The following APC variants were observed in gnomAD, a reference collection of about 807,000 sequenced individuals.
APC encodes the protein APC regulator of Wnt signaling pathway.
APC carries 72 observed loss-of-function variants against 247.0 expected under a neutral mutation model. The ratio of observed to expected loss-of-function variants is 0.29; its 90% CI spans 0.24 to 0.35. APC has a LOEUF of 0.35. Ranked by LOEUF, APC falls within the 10% of genes least tolerant of loss-of-function variation. The probability of loss-of-function intolerance (pLI) is 1.00; values close to 1 mark genes in which losing one functional copy is unlikely to be tolerated. For missense variants in APC, 3,400 were observed against 3,360.7 expected (o/e 1.01, Z -0.29); for synonymous variants, 1,254 against 1,162.5 (o/e 1.08, Z -1.60).
chr5:112,740,950 T>C (rs1030619466), intron 1 of APC, among the ~76,000 whole-genome samples: 4 of 152,244 alleles, frequency 2.6e-5, no homozygotes, highest in African/African-American at 7.2e-5. Flanking sequence ...TTTATACTTG[T>C]ATATGTTTAA....
intron 8 of APC, among the ~76,000 whole-genome samples, chr5:112,804,994 T>G: frequency 6.6e-6 from 1 of 152,014 alleles, no homozygotes; most frequent in South Asian, 2.1e-4. Context: ...AATTTTTATT[T>G]TTTGTCTAAA....
chr5:112,764,774 A>T (rs185029553), intron 2 of APC, among the ~76,000 whole-genome samples: 90 of 152,342 alleles, frequency 5.9e-4, no homozygotes, highest in African/African-American at 2.0e-3. Flanking sequence ...GGACTAAAAC[A>T]GTAGCAATGG....
At chr5:112,833,628 G>C (rs1170438132) in intron 14 of APC, among the ~76,000 whole-genome samples, 1 of 152,036 alleles carries the variant, frequency 6.6e-6, no homozygotes, top group Non-Finnish European at 1.5e-5. Context: ...CCAGCACATG[G>C]CAAGTTTTGA....
chr5:112,717,361 GT>G (rs1228082523), intron 1 of APC, among the ~76,000 whole-genome samples: 17 of 151,854 alleles, frequency 1.1e-4, no homozygotes, highest in African/African-American at 4.1e-4. Context: ...TATTGTTGTT[GT>G]TACTGTTTCA....
chr5:112,827,665 T>G (rs551283053), intron 12 of APC, among the ~76,000 whole-genome samples: 6 of 152,348 alleles, frequency 3.9e-5, no homozygotes, highest in African/African-American at 1.2e-4. Context: ...AATAAGAGGC[T>G]TTACTCTAAA....
At chr5:112,808,778 A>G (rs1724567516) in intron 8 of APC, among the ~76,000 whole-genome samples, 1 of 152,120 alleles carries the variant, frequency 6.6e-6, no homozygotes, top group African/African-American at 2.4e-5. Flanking sequence ...GATATACTTC[A>G]ACATGTTTCT....
In APC at chr5:112,835,575, T is replaced by A. The variant is rs914451120; in HGVS notation, c.1958+410T>A. Among the ~76,000 whole-genome samples the A allele has an allele frequency of 1.2e-3, 175 of 147,746 alleles. 3 individuals carry two copies. Among genetic ancestry groups the A allele is most frequent in the African/African-American group, 4.1e-3 (165 of 40,678 alleles). Reference sequence around the variant, plus strand: ...TGTCTTAGTATCCATAATAATAATTTTTTTTTTTTTTTTTTGAGACAGGGT... The same window carrying A: ...TGTCTTAGTATCCATAATAATAATTATTTTTTTTTTTTTTTGAGACAGGGT... On this transcript the variant is annotated intron_variant, in intron 15 of 15. Coordinates refer to ENST00000257430, the MANE Select transcript of APC (RefSeq NM_000038.6).
At chr5:112,723,640 C>T (rs566530908) in intron 1 of APC, among the ~76,000 whole-genome samples, 1 of 151,942 alleles carries the variant, frequency 6.6e-6, no homozygotes, top group Non-Finnish European at 1.5e-5. Flanking sequence ...ATGTGTTGAC[C>T]GGAATGATGA....
intron 4 of APC, among the ~76,000 whole-genome samples, chr5:112,769,330 C>T (rs1446746165): frequency 6.6e-6 from 1 of 152,010 alleles, no homozygotes; most frequent in African/African-American, 2.4e-5. Context: ...GGATTACAGG[C>T]ATGAGCCACT....
chr5:112,793,505 A>G lies in APC; in HGVS notation c.729+976A>G, dbSNP rs545465617. On this transcript the variant is annotated intron_variant, in intron 7 of 15. Transcript: ENST00000257430. Reference sequence around the variant, plus strand: ...AAAACTTAAAGAGACTTACATGGAAAAATTCACCCAACAAAACAACCCACC... The same window carrying G: ...AAAACTTAAAGAGACTTACATGGAAGAATTCACCCAACAAAACAACCCACC... 5.3e-5 allele frequency among the ~76,000 whole-genome samples: 8 copies of G among 152,308 alleles called. No homozygotes were observed. In the South Asian group the frequency reaches 1.5e-3, roughly 28 times the overall value.
chr5:112,743,060 C>T (rs1322389164), intron 1 of APC, among the ~76,000 whole-genome samples: 1 of 152,218 alleles, frequency 6.6e-6, no homozygotes, highest in Admixed American at 6.5e-5. Context: ...TCTGCGTCTC[C>T]TCTAGAGATT....
intron 8 of APC, among the ~76,000 whole-genome samples, chr5:112,805,008 TAAAA>T (rs574688971): frequency 6.3e-5 from 9 of 142,166 alleles, no homozygotes; most frequent in African/African-American, 7.7e-5. Flanking sequence ...GTCTAAAAAA[TAAAA>T]AAAAAAACTT....
Position 112,843,561 on chromosome 5 carries a change from A to G in APC, c.7967A>G (p.Asp2656Gly), listed in dbSNP as rs1463203731. The G allele has an allele frequency of 1.9e-6, 3 of 1,613,930 alleles. No individual in the cohort carries two copies. The highest frequency in any genetic ancestry group is 2.5e-6 in the Non-Finnish European group (3 of 1,179,850). Residue 2656 changes from aspartate (D) to glycine (G), a missense_variant, in exon 16 of 16, where the codon GAT becomes GGT. By Grantham distance (94) the Asp-to-Gly change is moderately conservative. Around this residue, in one of 9 missense-constraint regions of APC, gnomAD observed 1,788 missense variants for 1,649.5 expected, o/e 1.08. Transcript: ENST00000257430. The surrounding 1 kb of genome is among the most constrained non-coding windows in gnomAD (Gnocchi z 4.8). Reference protein sequence around the residue: ...QMAPAVSKTEDVWVRIEDCPI... With the variant: ...QMAPAVSKTEGVWVRIEDCPI... The stretch of plus-strand genomic sequence containing the variant: ...GCACCTGCTGTTTCTAAAACAGAGG[A>G]TGTTTGGGTGAGAATTGAGGACTGT...
rs144199321 is a variant in APC, at chr5:112,829,239, A to G, written c.1743+267A>G. ...CTGCAACCTCCGTCTCCCATGTTCAAGTGATTCTCCTGCCTCAGCCTCCTG... is the reference window on the plus strand; with the variant it reads ...CTGCAACCTCCGTCTCCCATGTTCAGGTGATTCTCCTGCCTCAGCCTCCTG... On this transcript the variant is annotated intron_variant, in intron 14 of 15. Transcript: ENST00000257430. 3.6e-3 allele frequency: 1,216 copies of G among 334,644 alleles called. 14 individuals carry two copies. Among genetic ancestry groups the G allele is most frequent in the African/African-American group, 0.024 (1,132 of 46,592 alleles). 20.7% of individuals were successfully genotyped at this position (334,644 alleles called of 1,614,324 possible). A position where few individuals can be genotyped will look rare whatever the true frequency, so the allele number is the denominator to read the frequency against.
intron 14 of APC, among the ~76,000 whole-genome samples, chr5:112,834,238 C>CTTTTT (rs963878310): frequency 7.9e-6 from 1 of 126,594 alleles, no homozygotes; most frequent in East Asian, 2.4e-4. Flanking sequence ...CACGTTGCGC[C>CTTTTT]TTTTTTTTTT....
intron 11 of APC, among the ~76,000 whole-genome samples, chr5:112,824,080 T>A (rs1763407516): frequency 6.6e-6 from 1 of 152,264 alleles, no homozygotes; most frequent in South Asian, 2.1e-4. Context: ...TCAGTCTTTC[T>A]TTTGTTCATA....
upstream of APC, among the ~76,000 whole-genome samples, chr5:112,734,077 C>G (rs1349925316): frequency 6.6e-6 from 1 of 152,190 alleles, no homozygotes; most frequent in Non-Finnish European, 1.5e-5. Context: ...TCTGTAATCA[C>G]AGCACCTTGC....
intron 4 of APC, among the ~76,000 whole-genome samples, chr5:112,772,571 C>T (rs548653477): frequency 2.0e-5 from 3 of 149,994 alleles, no homozygotes; most frequent in African/African-American, 7.4e-5. Context: ...GGCTGGAGTG[C>T]AGTGGCACGA....
intron 6 of APC, among the ~76,000 whole-genome samples, chr5:112,782,525 G>C (rs1213933929): frequency 6.6e-6 from 1 of 152,128 alleles, no homozygotes; most frequent in East Asian, 1.9e-4. Context: ...AATGAGGTTG[G>C]GGGCTTAACT....
Sources: allele counts gnomAD v4.1 joint callset (sites outside exome capture counted in the v4.1 genomes callset), GRCh38; gene constraint gnomAD v4.1.1; regional missense constraint gnomAD v4.1.1; non-coding constraint Gnocchi (gnomAD v3.1); transcripts MANE v1.5; gene names NCBI Gene and HGNC (gene_info 2026-07-23, HGNC 2026-07-21).